Variants in HS3ST4 observed in about 807,000 individuals in gnomAD.
The protein encoded by HS3ST4 is heparan sulfate glucosamine 3-O-sulfotransferase 4.
HS3ST4 carries 17 observed loss-of-function variants against 29.2 expected under a neutral mutation model. That is an observed-to-expected ratio of 0.58 (90% CI 0.40 to 0.87). The LOEUF (loss-of-function observed/expected upper bound fraction) is 0.87. Among genes scored for constraint, HS3ST4 ranks in the 40% least tolerant of loss-of-function variants. The pLI is 0.00. For synonymous variants in HS3ST4, 314 were observed against 285.7 expected (o/e 1.10, Z -1.00); for missense variants, 627 against 634.5 (o/e 0.99, Z 0.13).
At chr16:26,130,527 GC>G (rs777950077) in intron 1 of HS3ST4, among the ~76,000 whole-genome samples, 7 of 152,128 alleles carry the variant, frequency 4.6e-5, no homozygotes, top group Non-Finnish European at 8.8e-5. Context: ...TTAAAACTTT[GC>G]CTACAGCCCC....
At chr16:25,747,867 C>T (rs560886218) in intron 1 of HS3ST4, among the ~76,000 whole-genome samples, 1 of 152,304 alleles carries the variant, frequency 6.6e-6, no homozygotes, top group East Asian at 1.9e-4. Flanking sequence ...AGCTCACCCC[C>T]TCCTGAGTTT....
intron 1 of HS3ST4, among the ~76,000 whole-genome samples, chr16:26,011,676 T>TTGTGTG (rs375796518): frequency 1.2e-4 from 16 of 133,368 alleles, no homozygotes; most frequent in Non-Finnish European, 1.7e-4. Flanking sequence ...AGGTATATGT[T>TTGTGTG]TGTGTGTGTG....
intron 1 of HS3ST4, among the ~76,000 whole-genome samples, chr16:25,817,537 C>T (rs1967105582): frequency 6.6e-6 from 1 of 152,156 alleles, no homozygotes; most frequent in Non-Finnish European, 1.5e-5. Flanking sequence ...TGGCCATGGG[C>T]TATACTTGAC....
intron 1 of HS3ST4, among the ~76,000 whole-genome samples, chr16:26,110,542 T>C (rs1460062442): frequency 2.6e-5 from 4 of 152,216 alleles, no homozygotes; most frequent in African/African-American, 4.8e-5. Context: ...CTTCTTATTA[T>C]ATCCACACCA....
intron 1 of HS3ST4, among the ~76,000 whole-genome samples, chr16:25,710,419 A>T (rs572186831): frequency 4.6e-4 from 34 of 74,476 alleles, no homozygotes; most frequent in African/African-American, 1.2e-3. Flanking sequence ...TCAATTTCCT[A>T]TGGACTTTTG....
At chr16:25,873,569 C>A (rs1217094322) in intron 1 of HS3ST4, among the ~76,000 whole-genome samples, 1 of 150,968 alleles carries the variant, frequency 6.6e-6, no homozygotes, top group Non-Finnish European at 1.5e-5. Context: ...TACATCCATC[C>A]ACCCATTTGT....
intron 1 of HS3ST4, among the ~76,000 whole-genome samples, chr16:25,987,931 TG>T (rs1969079644): frequency 6.6e-6 from 1 of 152,122 alleles, no homozygotes; most frequent in Non-Finnish European, 1.5e-5. Flanking sequence ...CCACCATGCC[TG>T]GCTAATTTTT....
chr16:26,001,409 T>A (rs951578693), intron 1 of HS3ST4, among the ~76,000 whole-genome samples: 2 of 152,206 alleles, frequency 1.3e-5, no homozygotes, highest in African/African-American at 4.8e-5. Flanking sequence ...TAAATCTAGA[T>A]AAAACATATA....
In HS3ST4 at chr16:25,960,950, C is replaced by T. The variant is rs117212193; in HGVS notation, c.735-174662C>T. Among the ~76,000 whole-genome samples, 52 of 152,260 alleles carry T rather than the reference C, an allele frequency of 3.4e-4. No homozygotes were observed. In the East Asian group the frequency reaches 9.1e-3, roughly 27 times the overall value. ...AATCCCCAAACTCACTGCTGAGAACCTCAGAGAATTAAGCTGGAGCATTTG... is the reference window on the plus strand; with the variant it reads ...AATCCCCAAACTCACTGCTGAGAACTTCAGAGAATTAAGCTGGAGCATTTG... On this transcript the variant is annotated intron_variant, in intron 1 of 1. Coordinates refer to ENST00000331351, the MANE Select transcript of HS3ST4 (RefSeq NM_006040.3).
intron 1 of HS3ST4, among the ~76,000 whole-genome samples, chr16:25,818,914 C>G (rs1421606089): frequency 6.6e-6 from 1 of 151,990 alleles, no homozygotes; most frequent in Non-Finnish European, 1.5e-5. Flanking sequence ...GGCTAGAGCT[C>G]AAACTGTGAA....
At chr16:26,069,489 A>C (rs1387053199) in intron 1 of HS3ST4, among the ~76,000 whole-genome samples, 1 of 152,196 alleles carries the variant, frequency 6.6e-6, no homozygotes, top group Non-Finnish European at 1.5e-5. Context: ...ATGAAAGACT[A>C]CATGGAACAA....
intron 1 of HS3ST4, among the ~76,000 whole-genome samples, chr16:26,055,271 G>A (rs371127810): frequency 6.6e-6 from 1 of 152,094 alleles, no homozygotes; most frequent in Non-Finnish European, 1.5e-5. Context: ...GAAGATGTGT[G>A]GCTGTGGCTA....
chr16:26,084,196 T>A (rs1898758019), intron 1 of HS3ST4, among the ~76,000 whole-genome samples: 1 of 152,286 alleles, frequency 6.6e-6, no homozygotes, highest in South Asian at 2.1e-4. Flanking sequence ...CCTTCAGATG[T>A]CTATGAGTGG....
At position 26,134,327 on chromosome 16, in the gene HS3ST4, ATTTTCTTTTC is replaced by A. The variant is rs757624599; in HGVS notation, c.735-1255_735-1246del. The stretch of plus-strand genomic sequence containing the variant: ...TATATGTCATTTTCCTCTCAACTGA[ATTTTCTTTTC>A]TTTTCTTTTCTTTTCTTTTCTTTTC... On this transcript the variant is annotated intron_variant, in intron 1 of 1. Transcript: ENST00000331351. 1.8e-3 allele frequency among the ~76,000 whole-genome samples: 235 copies of A among 129,696 alleles called. 2 individuals are homozygous for A. Among genetic ancestry groups the A allele is most frequent in the African/African-American group, 4.6e-3 (153 of 33,616 alleles). The allele number at this position is 129,696 out of a possible 152,430, so 85.1% of individuals were successfully genotyped here.
chr16:25,884,035 G>A (rs1277008928), intron 1 of HS3ST4, among the ~76,000 whole-genome samples: 3 of 151,974 alleles, frequency 2.0e-5, no homozygotes, highest in Non-Finnish European at 4.4e-5. Context: ...ATTGCTTGAA[G>A]TGGGGAGACT....
At chr16:26,009,513 T>G (rs4569285) in intron 1 of HS3ST4, among the ~76,000 whole-genome samples, 1 of 152,118 alleles carries the variant, frequency 6.6e-6, no homozygotes, top group Non-Finnish European at 1.5e-5. Context: ...CAAATACCAG[T>G]GACTTAACAC....
chr16:25,989,956 T>G (rs981000984), intron 1 of HS3ST4, among the ~76,000 whole-genome samples: 1 of 152,234 alleles, frequency 6.6e-6, no homozygotes, highest in East Asian at 1.9e-4. Context: ...TTGACAAATA[T>G]GTAATGATAT....
intron 1 of HS3ST4, among the ~76,000 whole-genome samples, chr16:25,701,546 A>G (rs1293223875): frequency 3.3e-5 from 5 of 152,154 alleles, no homozygotes; most frequent in Non-Finnish European, 7.3e-5. Context: ...ATAAAGATCC[A>G]TCCCCGGCCA....
chr16:25,841,715 T>C (rs568477172), intron 1 of HS3ST4, among the ~76,000 whole-genome samples: 1 of 152,332 alleles, frequency 6.6e-6, no homozygotes, highest in African/African-American at 2.4e-5. Flanking sequence ...CGAGTAGGTC[T>C]CAATTGTCTT....
Sources: allele counts gnomAD v4.1 joint callset (sites outside exome capture counted in the v4.1 genomes callset), GRCh38; gene constraint gnomAD v4.1.1; transcripts MANE v1.5; gene names NCBI Gene and HGNC (gene_info 2026-07-23, HGNC 2026-07-21).